Variants in OTUD6B observed in about 807,000 individuals in gnomAD.
OTUD6B encodes the protein deubiquitinase OTUD6B.
A neutral mutation model predicts 36.9 loss-of-function variants in OTUD6B; 41 were observed. The ratio of observed to expected loss-of-function variants is 1.11; its 90% CI spans 0.87 to 1.44. The LOEUF (loss-of-function observed/expected upper bound fraction) is 1.44. Ranked by LOEUF, OTUD6B falls within the 40% of genes most tolerant of loss-of-function variation. The probability of loss-of-function intolerance (pLI) is 0.00; values close to 1 mark genes in which losing one functional copy is unlikely to be tolerated. For synonymous variants in OTUD6B, 114 were observed against 114.2 expected (o/e 1.00, Z 0.01); for missense variants, 356 against 344.8 (o/e 1.03, Z -0.26).
At chr8:91,083,339 T>G (rs1212211939) in intron 5 of OTUD6B, among the ~76,000 whole-genome samples, 1 of 152,184 alleles carries the variant, frequency 6.6e-6, no homozygotes. Context: ...TTAAAAATTT[T>G]TTTTGTTATG....
At chr8:91,077,199 T>C (rs1812818232) in intron 3 of OTUD6B, among the ~76,000 whole-genome samples, 1 of 151,826 alleles carries the variant, frequency 6.6e-6, no homozygotes, top group Non-Finnish European at 1.5e-5. Context: ...AAATATATGA[T>C]AGAGAATTAG....
rs191877119 is a variant in OTUD6B, at chr8:91,086,799, A to G, written c.*1931A>G. On this transcript the variant is annotated 3_prime_UTR_variant, in exon 7 of 7. Coordinates refer to ENST00000404789, the MANE Select transcript of OTUD6B (RefSeq NM_016023.5). ...ATAAATATCATTTTAGCTATAACCTAAAAAAGTGTTTAAATAAAATGACAG... is the reference window on the plus strand; with the variant it reads ...ATAAATATCATTTTAGCTATAACCTGAAAAAGTGTTTAAATAAAATGACAG... 1.1e-3 allele frequency: 169 copies of G among 152,190 alleles called. 1 individual carries two copies. Among genetic ancestry groups the G allele is most frequent in the African/African-American group, 4.0e-3 (167 of 41,576 alleles). The allele number at this position is 152,190 out of a possible 1,614,324, so 9.4% of individuals were successfully genotyped here.
chr8:91,084,739 T>G (rs1812974159), intron 6 of OTUD6B, 45 bp from the exon 7 acceptor site: 12 of 1,374,166 alleles, frequency 8.7e-6, no homozygotes, highest in Non-Finnish European at 1.2e-5. Flanking sequence ...TATAGAAAAA[T>G]TGCTTTCATC....
At position 91,080,671 on chromosome 8, in the gene OTUD6B, G is replaced by A; in HGVS notation, c.631G>A (p.Glu211Lys). ...PNTGDMYTPE[E>K]FQKYCEDIVN... ...GTATTCTGACCTAATCTCTACAGAAGAATTTCAGAAGTACTGTGAAGATAT... is the reference window on the plus strand; with the variant it reads ...GTATTCTGACCTAATCTCTACAGAAAAATTTCAGAAGTACTGTGAAGATAT... The change falls in exon 5 of 7, where the codon GAA (glutamate) becomes AAA (lysine). Residue 211 changes from glutamate (E) to lysine (K), a missense_variant and splice_region_variant. Transcript: ENST00000404789. 2 of 1,599,730 alleles carry A rather than the reference G, an allele frequency of 1.3e-6. No homozygotes were observed. The highest frequency in any genetic ancestry group is 1.7e-6 in the Non-Finnish European group (2 of 1,172,130).
chr8:91,083,540 T>A (rs2130445846), intron 5 of OTUD6B, among the ~76,000 whole-genome samples: 1 of 152,244 alleles, frequency 6.6e-6, no homozygotes, highest in Admixed American at 6.5e-5. Context: ...TTCGAAATGC[T>A]CCCAAATCAA....
At chr8:91,072,134 T>C (rs958598839) in intron 2 of OTUD6B, among the ~76,000 whole-genome samples, 2 of 152,234 alleles carry the variant, frequency 1.3e-5, no homozygotes, top group Non-Finnish European at 2.9e-5. Flanking sequence ...ATTTATTTTA[T>C]CGTTGGATCT....
chr8:91,075,353 G>A (rs549120988), intron 3 of OTUD6B, among the ~76,000 whole-genome samples: 2 of 152,048 alleles, frequency 1.3e-5, no homozygotes, highest in South Asian at 2.1e-4. Flanking sequence ...CAGAATTTTT[G>A]CATGCCAGTA....
intron 3 of OTUD6B, among the ~76,000 whole-genome samples, chr8:91,075,418 G>T (rs916373948): frequency 1.3e-5 from 2 of 152,036 alleles, no homozygotes; most frequent in South Asian, 4.1e-4. Context: ...TCTTATAATA[G>T]CCTATTTAAT....
chr8:91,075,147 G>T (rs1248468457), intron 3 of OTUD6B, among the ~76,000 whole-genome samples: 3 of 151,850 alleles, frequency 2.0e-5, no homozygotes, highest in Admixed American at 1.3e-4. Context: ...TTTTTTGTTT[G>T]CAAGCTGATG....
intron 5 of OTUD6B, among the ~76,000 whole-genome samples, chr8:91,082,408 A>C (rs541378964): frequency 1.3e-5 from 2 of 151,702 alleles, no homozygotes; most frequent in Non-Finnish European, 2.9e-5. Context: ...ACAGAGTCTC[A>C]CTCTGTCACC....
intron 3 of OTUD6B, 69 bp from the exon 4 acceptor site, chr8:91,078,287 C>T: frequency 6.8e-7 from 1 of 1,464,616 alleles, no homozygotes; most frequent in Non-Finnish European, 9.0e-7. Context: ...TTACATTTCC[C>T]TTCCCTTAAT....
At position 91,070,482 on chromosome 8, in the gene OTUD6B, G is replaced by A. The variant is rs751319365; in HGVS notation, c.82+16G>A. ...GAGTTGCAAGGTGAGGCGGAAGGAAGTGGGAATCTGGAAGCCGCCGCGACT... is the reference window on the plus strand; with the variant it reads ...GAGTTGCAAGGTGAGGCGGAAGGAAATGGGAATCTGGAAGCCGCCGCGACT... On this transcript the variant is annotated intron_variant, in intron 1 of 6. Transcript: ENST00000404789. 2.6e-6 allele frequency: 4 copies of A among 1,556,040 alleles called. No individual in the cohort carries two copies. Among genetic ancestry groups the A allele is most frequent in the South Asian group, 2.4e-5 (2 of 84,428 alleles).
intron 2 of OTUD6B, among the ~76,000 whole-genome samples, chr8:91,072,993 G>T (rs1023598159): frequency 1.3e-5 from 2 of 152,044 alleles, no homozygotes; most frequent in African/African-American, 2.4e-5. Flanking sequence ...TGTCAATATA[G>T]ATGTTTGTAA....
intron 4 of OTUD6B, 59 bp from the exon 5 acceptor site, chr8:91,080,610 A>AT: frequency 2.6e-6 from 4 of 1,537,826 alleles, no homozygotes; most frequent in South Asian, 1.2e-5. Context: ...TATAAAAGGG[A>AT]TTTTGTAACA....
Position 91,078,641 on chromosome 8 carries a change from C to T in OTUD6B, c.601C>T (p.Pro201Ser), listed in dbSNP as rs893547273. ...AGACTTTCTGCCATTTTTAACAAAC[C>T]CTAATACAGGAGATATGTATACTCC... is the stretch of plus-strand genomic sequence containing the variant. ...VEDFLPFLTN[P>S]NTGDMYTPEE... The change falls in exon 4 of 7, where the codon CCT (proline) becomes TCT (serine). Residue 201 changes from proline to serine, a missense_variant. By Grantham distance (74) the Pro-to-Ser change is moderately conservative. Transcript: ENST00000404789. 2 of 1,586,468 alleles carry T rather than the reference C, an allele frequency of 1.3e-6. No homozygotes were observed. Among genetic ancestry groups the T allele is most frequent in the Non-Finnish European group, 1.7e-6 (2 of 1,164,816 alleles).
At chr8:91,083,286 C>T (rs1300087570) in intron 5 of OTUD6B, among the ~76,000 whole-genome samples, 2 of 152,110 alleles carry the variant, frequency 1.3e-5, no homozygotes, top group African/African-American at 4.8e-5. Flanking sequence ...TGCCCATTTT[C>T]TCACATTGTA....
chr8:91,082,580 G>A (rs1812926451), intron 5 of OTUD6B, among the ~76,000 whole-genome samples: 2 of 151,926 alleles, frequency 1.3e-5, no homozygotes, highest in African/African-American at 2.4e-5. Context: ...GGCTGGTCTC[G>A]AACGCCTGAG....
chr8:91,086,375 A>C lies in OTUD6B; in HGVS notation c.*1507A>C, dbSNP rs1813015274. 6.6e-6 allele frequency: 1 copy of C among 152,110 alleles called. No individual in the cohort carries two copies. The highest frequency in any genetic ancestry group is 2.4e-5 in the African/African-American group (1 of 41,430). The allele number at this position is 152,110 out of a possible 1,614,324, so 9.4% of individuals were successfully genotyped here. A position where few individuals can be genotyped will look rare whatever the true frequency, so the allele number is the denominator to read the frequency against. On this transcript the variant is annotated 3_prime_UTR_variant, in exon 7 of 7. Coordinates refer to ENST00000404789, the MANE Select transcript of OTUD6B (RefSeq NM_016023.5). ...AAGGCTTTCCAGTTCAAAAGATTAC[A>C]AGCCATTCTGCCTGCCAAACAAATT...
chr8:91,075,028 A>G (rs1812776065), intron 3 of OTUD6B, among the ~76,000 whole-genome samples: 1 of 152,072 alleles, frequency 6.6e-6, no homozygotes, highest in Non-Finnish European at 1.5e-5. Flanking sequence ...TTCTATATTA[A>G]GTAGTGTATA....
Sources: allele counts gnomAD v4.1 joint callset (sites outside exome capture counted in the v4.1 genomes callset), GRCh38; gene constraint gnomAD v4.1.1; transcripts MANE v1.5; gene names NCBI Gene and HGNC (gene_info 2026-07-23, HGNC 2026-07-21).